ZNF536: variants seen among roughly 807,000 people sequenced by gnomAD.
ZNF536 encodes zinc finger protein 536.
Under a neutral mutation model 84.5 loss-of-function variants are expected in ZNF536, and 13 were observed. That is an observed-to-expected ratio of 0.15 (90% confidence interval 0.10 to 0.24). The LOEUF is 0.24. Among genes scored for constraint, ZNF536 ranks in the 10% least tolerant of loss-of-function variants. The pLI is 1.00. For synonymous variants in ZNF536, 811 were observed against 742.5 expected, an observed-to-expected ratio of 1.09 and a Z score of -1.50; for missense variants, 1,536 against 1,747.5, an observed-to-expected ratio of 0.88 and a Z score of 2.16.
rs75494755 is a variant in ZNF536 at position 30,585,376 on chromosome 19, G to A, written c.169+35862G>A. Among the ~76,000 whole-genome samples, 721 of 152,262 alleles carry A rather than the reference G, an allele frequency of 4.7e-3. 8 individuals are homozygous for A. Among genetic ancestry groups the A allele is most frequent in the Non-Finnish European group, 5.9e-3 (402 of 68,016 alleles). On this transcript the variant is annotated intron_variant, in intron 1 of 1. Coordinates refer to the ZNF536 transcript ENST00000592773. Reference sequence around the variant, plus strand: ...AATATTGTAGAATACTGAATGAAGGGATGAATAGTAGATGGATGGATGAAT... The same window carrying A: ...AATATTGTAGAATACTGAATGAAGGAATGAATAGTAGATGGATGGATGAAT...
At chr19:30,264,441 A>G (rs1232365839) in intron 1 of ZNF536, among the ~76,000 whole-genome samples, 1 of 143,938 alleles carries the variant, frequency 6.9e-6, no homozygotes, top group East Asian at 2.1e-4. Flanking sequence ...ATTCGTGTGC[A>G]CGCATGTGTG....
intron 1 of ZNF536, among the ~76,000 whole-genome samples, chr19:30,264,740 G>A (rs998675155): frequency 3.9e-5 from 6 of 152,044 alleles, no homozygotes; most frequent in Non-Finnish European, 5.9e-5. Flanking sequence ...TGTCCCAGCC[G>A]GCAGCAGTGC....
chr19:30,607,802 T>G (rs2047952953), intron 1 of ZNF536, among the ~76,000 whole-genome samples: 1 of 152,152 alleles, frequency 6.6e-6, no homozygotes, highest in Non-Finnish European at 1.5e-5. Flanking sequence ...ATGCATTACT[T>G]TATAGTCCTA....
chr19:30,229,572 G>GGC (rs1035986459), intron 1 of ZNF536, among the ~76,000 whole-genome samples: 3 of 112,700 alleles, frequency 2.7e-5, no homozygotes, highest in South Asian at 5.7e-4. Context: ...TGCGGGTGGT[G>GGC]GGGGGGGCTC....
chr19:30,680,350 C>A (rs2147814477), intron 1 of ZNF536, among the ~76,000 whole-genome samples: 1 of 150,808 alleles, frequency 6.6e-6, no homozygotes, highest in Non-Finnish European at 1.5e-5. Context: ...GTGCTGCACC[C>A]ATTAACTCGT....
At chr19:30,532,643 A>G (rs1250637793) in intron 2 of ZNF536, among the ~76,000 whole-genome samples, 1 of 132,730 alleles carries the variant, frequency 7.5e-6, no homozygotes, top group East Asian at 2.5e-4. Context: ...GCAAAAGGGA[A>G]GCTGAGGGAG....
chr19:30,493,611 C>T (rs1050317618), intron 2 of ZNF536, among the ~76,000 whole-genome samples: 1 of 152,120 alleles, frequency 6.6e-6, no homozygotes, highest in African/African-American at 2.4e-5. Flanking sequence ...TCACTCGGGG[C>T]ATTTGTCGTG....
intron 1 of ZNF536, among the ~76,000 whole-genome samples, chr19:30,623,242 C>T (rs1199908762): frequency 6.6e-6 from 1 of 152,132 alleles, no homozygotes; most frequent in African/African-American, 2.4e-5. Context: ...TGAGATGGGC[C>T]TAGACCAGGA....
chr19:30,324,872 A>C (rs1473457973), intron 2 of ZNF536, among the ~76,000 whole-genome samples: 1 of 152,184 alleles, frequency 6.6e-6, no homozygotes, highest in East Asian at 1.9e-4. Context: ...GTCCTTCCTG[A>C]AGACTGCTGA....
chr19:30,581,538 C>T (rs1041450464), intron 1 of ZNF536, among the ~76,000 whole-genome samples: 6 of 152,056 alleles, frequency 3.9e-5, no homozygotes, highest in Non-Finnish European at 8.8e-5. Flanking sequence ...GCTTTGAGGA[C>T]TGGAAACAGC....
chr19:30,272,296 A>G (rs1371047485), intron 1 of ZNF536, among the ~76,000 whole-genome samples: 1 of 152,212 alleles, frequency 6.6e-6, no homozygotes, highest in Admixed American at 6.5e-5. Context: ...CAGAAAGTAC[A>G]GCGTTACCAT....
At chr19:30,647,187 C>A (rs1245419165) in intron 1 of ZNF536, among the ~76,000 whole-genome samples, 1 of 152,104 alleles carries the variant, frequency 6.6e-6, no homozygotes, top group Non-Finnish European at 1.5e-5. Flanking sequence ...TGCTGAATAT[C>A]TTTAATTAAA....
chr19:30,394,912 C>A (rs1328070402), intron 1 of ZNF536, among the ~76,000 whole-genome samples: 1 of 152,182 alleles, frequency 6.6e-6, no homozygotes, highest in Admixed American at 6.5e-5. Context: ...TTTAAGGGGT[C>A]AACCCCTTAA....
At chr19:30,558,620 G>A (rs1482898439), downstream of ZNF536, among the ~76,000 whole-genome samples, 1 of 152,144 alleles carries the variant, frequency 6.6e-6, no homozygotes, top group Non-Finnish European at 1.5e-5. Context: ...ACAGGCTTTT[G>A]CCTGTTGTTC....
chr19:30,500,393 G>T (rs956072642), intron 2 of ZNF536, among the ~76,000 whole-genome samples: 1 of 152,196 alleles, frequency 6.6e-6, no homozygotes. Context: ...CTCACTCCTG[G>T]TTCTAGAATC....
intron 1 of ZNF536, among the ~76,000 whole-genome samples, chr19:30,629,665 G>A (rs1242649550): frequency 1.3e-5 from 2 of 152,226 alleles, no homozygotes; most frequent in East Asian, 3.9e-4. Flanking sequence ...CGCAGTGAAA[G>A]GGTGCTATGA....
At chr19:30,650,324 C>G (rs79752386) in intron 1 of ZNF536, among the ~76,000 whole-genome samples, 7,534 of 152,250 alleles carry the variant, frequency 0.049, 627 homozygotes, top group African/African-American at 0.17. Context: ...CAGATTGGCT[C>G]TCTTGGTGAC....
At chr19:30,648,333 G>C (rs1250720345) in intron 1 of ZNF536, among the ~76,000 whole-genome samples, 2 of 152,128 alleles carry the variant, frequency 1.3e-5, no homozygotes, top group African/African-American at 2.4e-5. Context: ...GTACAACCCA[G>C]ATCTGCGTGC....
At chr19:30,331,778 C>T (rs528961983) in intron 2 of ZNF536, among the ~76,000 whole-genome samples, 3 of 152,246 alleles carry the variant, frequency 2.0e-5, no homozygotes, top group African/African-American at 4.8e-5. Context: ...GTTTGTGATG[C>T]CTCCACTGTC....
Sources: gnomAD v4.1 joint callset for allele counts (sites outside exome capture counted in the v4.1 genomes callset) on GRCh38, gnomAD v4.1.1 for gene constraint, MANE v1.5 for transcripts, NCBI Gene and HGNC (gene_info 2026-07-23, HGNC 2026-07-21) for gene names.